MMP2: variants seen among roughly 807,000 people sequenced by gnomAD.
MMP2 encodes the protein 72 kDa type IV collagenase.
Under a neutral mutation model 74.8 loss-of-function variants are expected in MMP2, and 39 were observed. The observed-to-expected ratio is 0.52, with a 90% CI of 0.40 to 0.68. MMP2 has a LOEUF of 0.68. MMP2 is among the 30% of genes least tolerant of loss of function. MMP2 has a pLI of 0.00. For missense variants in MMP2, 803 were observed against 878.3 expected (o/e 0.91, Z 1.08); for synonymous variants, 367 against 339.8 (o/e 1.08, Z -0.88).
At chr16:55,495,399 G>T (rs2142363898) in intron 9 of MMP2, among the ~76,000 whole-genome samples, 1 of 152,192 alleles carries the variant, frequency 6.6e-6, no homozygotes, top group Middle Eastern at 3.4e-3. Flanking sequence ...GTGTTTAATG[G>T]GTTTATTTGA....
chr16:55,505,382 G>T lies in MMP2; in HGVS notation c.1923G>T (p.Glu641Asp). The change falls in exon 13 of 13, where the codon GAG (glutamate) becomes GAT (aspartate). Residue 641 changes from glutamate to aspartate, a missense_variant. Coordinates refer to ENST00000219070, the MANE Select transcript of MMP2 (RefSeq NM_004530.6). The stretch of plus-strand genomic sequence containing the variant: ...AGGGTGCCTATTACCTGAAGCTGGA[G>T]AACCAAAGTCTGAAGAGCGTGAAGT... The part of the protein sequence containing the change: ...FFKGAYYLKL[E>D]NQSLKSVKFG... 2 of 1,614,142 alleles carry T rather than the reference G, an allele frequency of 1.2e-6. No individual in the cohort carries two copies. The highest frequency in any genetic ancestry group is 1.7e-6 in the Non-Finnish European group (2 of 1,180,028).
chr16:55,498,621 G>A (rs1166632456), intron 11 of MMP2, among the ~76,000 whole-genome samples, 173 bp downstream of exon 11: 1 of 152,206 alleles, frequency 6.6e-6, no homozygotes, highest in Non-Finnish European at 1.5e-5. Context: ...TGCCAAAGGT[G>A]AACCATTCTT....
At chr16:55,479,942 A>C in intron 1 of MMP2, 2 of 263,988 alleles carry the variant, frequency 7.6e-6, no homozygotes, top group East Asian at 1.1e-4. Flanking sequence ...TCTTATGTAA[A>C]TAGCGGGGAC....
At chr16:55,499,051 C>T (rs1265085854) in intron 11 of MMP2, among the ~76,000 whole-genome samples, 3 of 152,074 alleles carry the variant, frequency 2.0e-5, no homozygotes, top group East Asian at 1.9e-4. Flanking sequence ...TGCCTGCAAT[C>T]CCAGCTACTA....
chr16:55,494,658 G>T (rs1330707113), intron 9 of MMP2, among the ~76,000 whole-genome samples: 1 of 152,236 alleles, frequency 6.6e-6, no homozygotes, highest in African/African-American at 2.4e-5. Context: ...TAGGCCCCAG[G>T]AATCTGCGTT....
intron 1 of MMP2, among the ~76,000 whole-genome samples, chr16:55,481,368 C>T (rs557341200): frequency 6.6e-6 from 1 of 152,252 alleles, no homozygotes; most frequent in East Asian, 1.9e-4. Flanking sequence ...ATTTAACATG[C>T]TAATACATTA....
At chr16:55,499,033 G>A (rs113149065) in intron 11 of MMP2, among the ~76,000 whole-genome samples, 4,235 of 152,142 alleles carry the variant, frequency 0.028, 198 homozygotes, top group African/African-American at 0.097. Context: ...GCTGGACATG[G>A]TGGTGCATGC....
At chr16:55,482,417 G>C (rs1306420951) in intron 1 of MMP2, among the ~76,000 whole-genome samples, 1 of 152,196 alleles carries the variant, frequency 6.6e-6, no homozygotes, top group Non-Finnish European at 1.5e-5. Flanking sequence ...CCGCAAGGTA[G>C]ATAAATGAGT....
intron 1 of MMP2, among the ~76,000 whole-genome samples, chr16:55,480,923 G>T (rs1962083614): frequency 6.6e-6 from 1 of 152,130 alleles, no homozygotes; most frequent in African/African-American, 2.4e-5. Flanking sequence ...GCTGTTGGGT[G>T]GGGGTGAGAG....
intron 10 of MMP2, among the ~76,000 whole-genome samples, chr16:55,497,862 T>G (rs1962568669): frequency 6.6e-6 from 1 of 152,116 alleles, no homozygotes; most frequent in Non-Finnish European, 1.5e-5. Context: ...TGGTCTGAGG[T>G]GGGATCCTAG....
chr16:55,496,341 G>A (rs1962527729), intron 9 of MMP2, among the ~76,000 whole-genome samples: 1 of 152,192 alleles, frequency 6.6e-6, no homozygotes, highest in African/African-American at 2.4e-5. Flanking sequence ...GTGGAGTTTT[G>A]TGAAGAAGGA....
intron 12 of MMP2, 120 bp from the exon 13 acceptor site, chr16:55,505,219 C>A: frequency 1.1e-6 from 1 of 893,248 alleles, no homozygotes; most frequent in Non-Finnish European, 1.9e-6. Context: ...CCTTTCAAAG[C>A]TCTCTTCTCG....
intron 10 of MMP2, 117 bp downstream of exon 10, chr16:55,497,179 C>CA: frequency 7.4e-7 from 1 of 1,355,102 alleles, no homozygotes; most frequent in Non-Finnish European, 1.0e-6. Flanking sequence ...CCCGTGGGTG[C>CA]TCCCTTTCCT....
At chr16:55,488,818 G>A (rs1199616669) in intron 6 of MMP2, 102 bp downstream of exon 6, 7 of 1,256,638 alleles carry the variant, frequency 5.6e-6, no homozygotes, top group Admixed American at 4.0e-5. Context: ...CCCCAAGACA[G>A]GGGTGCTAAG....
At position 55,479,325 on chromosome 16, in the gene MMP2, T is replaced by G. The variant is rs1258405762; in HGVS notation, c.-155T>G. On this transcript the variant is annotated 5_prime_UTR_variant, in exon 1 of 13. An upstream start codon of the reference 5' UTR is lost. Transcript: ENST00000219070. ...GGGCTGGGGCGCGGGGGCCGGACCATGAGCCGCTGAGCCGGGCAAACCCCA... is the reference window on the plus strand; with the variant it reads ...GGGCTGGGGCGCGGGGGCCGGACCAGGAGCCGCTGAGCCGGGCAAACCCCA... 2.2e-5 allele frequency: 19 copies of G among 877,792 alleles called. 1 individual carries two copies. Among genetic ancestry groups the G allele is most frequent in the South Asian group, 1.8e-4 (4 of 22,414 alleles). The allele number at this position is 877,792 out of a possible 1,614,324, so 54.4% of individuals were successfully genotyped here. A position where few individuals can be genotyped will look rare whatever the true frequency, so the allele number is the denominator to read the frequency against.
intron 10 of MMP2, among the ~76,000 whole-genome samples, chr16:55,497,325 A>T (rs943209741): frequency 8.1e-5 from 7 of 86,650 alleles, no homozygotes; most frequent in African/African-American, 3.5e-4. Flanking sequence ...AATCCGTCTC[A>T]TTTCTTTTCT....
chr16:55,480,207 T>TCGG (rs1962062759), intron 1 of MMP2, among the ~76,000 whole-genome samples: 1 of 152,016 alleles, frequency 6.6e-6, no homozygotes, highest in Non-Finnish European at 1.5e-5. Flanking sequence ...CTAGGAACCT[T>TCGG]CGGCACAGAT....
At chr16:55,496,697 G>A (rs1478559399) in intron 9 of MMP2, among the ~76,000 whole-genome samples, 1 of 152,158 alleles carries the variant, frequency 6.6e-6, no homozygotes, top group Non-Finnish European at 1.5e-5. Flanking sequence ...GCTTCCTGGA[G>A]GAGGTAGAGG....
chr16:55,494,391 C>T (rs879706217), intron 9 of MMP2, among the ~76,000 whole-genome samples: 8 of 152,196 alleles, frequency 5.3e-5, no homozygotes, highest in Admixed American at 4.6e-4. Flanking sequence ...ATGCCTGACA[C>T]AGAGTAAGTG....
Sources: gnomAD v4.1 joint callset for allele counts (sites outside exome capture counted in the v4.1 genomes callset) on GRCh38, gnomAD v4.1.1 for gene constraint, MANE v1.5 for transcripts, NCBI Gene and HGNC (gene_info 2026-07-23, HGNC 2026-07-21) for gene names.